Variants in RBMS1 observed in about 807,000 individuals in gnomAD.
The protein encoded by RBMS1 is RNA binding motif single stranded interacting protein 1, also known as RNA-binding motif, single-stranded-interacting protein 1.
In RBMS1, 17 loss-of-function variants were observed where a neutral mutation model predicts 62.3. The observed-to-expected ratio is 0.27, with a 90% CI of 0.19 to 0.41. The LOEUF is 0.41. Ranked by LOEUF, RBMS1 falls within the 10% of genes least tolerant of loss-of-function variation. The pLI is 1.00. For missense variants in RBMS1, 334 were observed against 504.5 expected (o/e 0.66, Z 3.24); for synonymous variants, 172 against 170.0 (o/e 1.01, Z -0.09).
chr2:160,460,639 C>T lies in RBMS1; in HGVS notation c.75+32650G>A, dbSNP rs542643875. The stretch of plus-strand genomic sequence containing the variant: ...GCCATTGGACAACCTGTTGCTTTTC[C>T]GCAATTTCCTCTCTGGCTGTTTTGC... On this transcript the variant is annotated intron_variant, in intron 1 of 13. Coordinates refer to ENST00000348849, the MANE Select transcript of RBMS1 (RefSeq NM_016836.4). Among the ~76,000 whole-genome samples the T allele has an allele frequency of 5.3e-5, 8 of 152,334 alleles. No individual in the cohort carries two copies. In the South Asian group the frequency reaches 1.4e-3, roughly 28 times the overall value.
At chr2:160,290,022 C>CA (rs1278265287) in intron 6 of RBMS1, among the ~76,000 whole-genome samples, 1 of 143,744 alleles carries the variant, frequency 7.0e-6, no homozygotes, top group Non-Finnish European at 1.5e-5. Flanking sequence ...GTAGGAAAAA[C>CA]AAACAAAACA....
chr2:160,311,234 A>ATATC (rs1689872158), intron 4 of RBMS1, among the ~76,000 whole-genome samples: 1 of 107,448 alleles, frequency 9.3e-6, no homozygotes, highest in African/African-American at 3.3e-5. Flanking sequence ...CTATCTATCT[A>ATATC]TATATATATA....
intron 1 of RBMS1, among the ~76,000 whole-genome samples, chr2:160,396,550 C>CTTT (rs59600753): frequency 4.6e-4 from 36 of 77,850 alleles, no homozygotes; most frequent in South Asian, 6.0e-4. Context: ...TTCTTTTTAT[C>CTTT]TTTTTTTTTT....
intron 2 of RBMS1, among the ~76,000 whole-genome samples, chr2:160,350,823 T>C (rs1273759261): frequency 6.6e-6 from 1 of 152,156 alleles, no homozygotes; most frequent in East Asian, 1.9e-4. Context: ...AACGTGTGCA[T>C]GTGTCTTTAT....
At chr2:160,324,904 A>ATATATG (rs1690826309) in intron 2 of RBMS1, among the ~76,000 whole-genome samples, 1 of 128,958 alleles carries the variant, frequency 7.8e-6, no homozygotes, top group African/African-American at 3.3e-5. Flanking sequence ...ATATATATAT[A>ATATATG]TATACACACA....
chr2:160,439,011 G>T (rs1023114447), intron 1 of RBMS1, among the ~76,000 whole-genome samples: 1 of 148,864 alleles, frequency 6.7e-6, no homozygotes, highest in Non-Finnish European at 1.5e-5. Context: ...CTGGCCAGGC[G>T]GGGGGCTGAC....
chr2:160,306,424 T>C (rs1253525566), intron 4 of RBMS1, among the ~76,000 whole-genome samples: 1 of 152,212 alleles, frequency 6.6e-6, no homozygotes, highest in Non-Finnish European at 1.5e-5. Context: ...ACCCACTCTT[T>C]GATATAGTGA....
intron 12 of RBMS1, 32 bp from the exon 13 acceptor site, chr2:160,275,746 T>A: frequency 6.2e-7 from 1 of 1,613,056 alleles, no homozygotes; most frequent in Non-Finnish European, 8.5e-7. Context: ...GGATGAGACA[T>A]GTTAGTGAAA....
intron 2 of RBMS1, among the ~76,000 whole-genome samples, chr2:160,347,072 CA>C (rs1692226588): frequency 6.6e-6 from 1 of 151,924 alleles, no homozygotes; most frequent in Non-Finnish European, 1.5e-5. Context: ...TAACTTAAAT[CA>C]TGTAAGAAAT....
At chr2:160,407,754 G>T in intron 1 of RBMS1, 1 of 981,300 alleles carries the variant, frequency 1.0e-6, no homozygotes, top group Non-Finnish European at 1.2e-6. Flanking sequence ...CGCGGCAGCG[G>T]GCGAGACTCG....
At chr2:160,367,163 T>C in intron 2 of RBMS1, 53 bp downstream of exon 2, 2 of 1,548,836 alleles carry the variant, frequency 1.3e-6, no homozygotes, top group Admixed American at 3.3e-5. Context: ...CACTCTATAA[T>C]ATGATCAAGA....
At chr2:160,398,961 C>T (rs929676873) in intron 1 of RBMS1, among the ~76,000 whole-genome samples, 22 of 152,258 alleles carry the variant, frequency 1.4e-4, no homozygotes, top group Admixed American at 5.9e-4. Flanking sequence ...TGAGACAATA[C>T]CTTCTAAACT....
chr2:160,492,306 T>C (rs1216029474), intron 1 of RBMS1, among the ~76,000 whole-genome samples: 1 of 152,160 alleles, frequency 6.6e-6, no homozygotes, highest in South Asian at 2.1e-4. Context: ...CCAGTCTTCA[T>C]GGCCCAAATA....
chr2:160,446,551 T>G (rs1235638134), intron 1 of RBMS1, among the ~76,000 whole-genome samples: 1 of 152,194 alleles, frequency 6.6e-6, no homozygotes. Flanking sequence ...TTCACTTTTC[T>G]CATGCTCTGT....
intron 1 of RBMS1, among the ~76,000 whole-genome samples, chr2:160,382,143 C>T (rs1573969042): frequency 6.6e-6 from 1 of 152,256 alleles, no homozygotes; most frequent in East Asian, 1.9e-4. Context: ...AACCATGAAG[C>T]TGCTGCAGTG....
chr2:160,346,998 A>G (rs951587394), intron 2 of RBMS1, among the ~76,000 whole-genome samples: 1 of 152,148 alleles, frequency 6.6e-6, no homozygotes, highest in Non-Finnish European at 1.5e-5. Flanking sequence ...CTAAGAAAAA[A>G]AGATATTTTC....
At chr2:160,342,769 C>CAAAAAAAAAAAAAAA (rs550170417) in intron 2 of RBMS1, among the ~76,000 whole-genome samples, 1 of 117,338 alleles carries the variant, frequency 8.5e-6, no homozygotes, top group Non-Finnish European at 1.7e-5. Context: ...ATACAAAATA[C>CAAAAAAAAAAAAAAA]AAAAAAAAAA....
At chr2:160,482,382 T>G in intron 1 of RBMS1, among the ~76,000 whole-genome samples, 1 of 151,360 alleles carries the variant, frequency 6.6e-6, no homozygotes. Flanking sequence ...TATATCAACC[T>G]ACAGATTTAA....
intron 1 of RBMS1, among the ~76,000 whole-genome samples, chr2:160,485,176 G>A (rs1685546906): frequency 1.3e-5 from 2 of 152,168 alleles, no homozygotes; most frequent in Non-Finnish European, 2.9e-5. Flanking sequence ...AAGAAAACAG[G>A]TGAGTGGGTC....
Sources: allele counts gnomAD v4.1 joint callset (sites outside exome capture counted in the v4.1 genomes callset), GRCh38; gene constraint gnomAD v4.1.1; transcripts MANE v1.5; gene names NCBI Gene and HGNC (gene_info 2026-07-23, HGNC 2026-07-21).